The following CACNA1I variants were observed in gnomAD, a reference collection of about 807,000 sequenced individuals.
CACNA1I encodes calcium voltage-gated channel subunit alpha1 I, also known as voltage-dependent T-type calcium channel subunit alpha-1I.
A neutral mutation model predicts 201.6 loss-of-function variants in CACNA1I; 74 were observed. The ratio of observed to expected loss-of-function variants is 0.37; its 90% CI spans 0.30 to 0.45. CACNA1I has a LOEUF of 0.45. CACNA1I is among the 20% of genes least tolerant of loss of function. The pLI is 1.00. For missense variants in CACNA1I, 2,346 were observed against 3,138.1 expected (o/e 0.75, Z 6.03); for synonymous variants, 1,431 against 1,345.2 (o/e 1.06, Z -1.40).
At chr22:39,613,449 A>T (rs1232672619) in intron 3 of CACNA1I, among the ~76,000 whole-genome samples, 1 of 152,156 alleles carries the variant, frequency 6.6e-6, no homozygotes, top group Non-Finnish European at 1.5e-5. Context: ...GTGTGAGCTG[A>T]GGTAACAGTT....
At chr22:39,633,652 A>G (rs142145670) in intron 4 of CACNA1I, among the ~76,000 whole-genome samples, 1 of 152,362 alleles carries the variant, frequency 6.6e-6, no homozygotes, top group African/African-American at 2.4e-5. Context: ...CAGTATGTTT[A>G]GGGAACTTCA....
Position 39,649,712 on chromosome 22 carries a change from G to A in CACNA1I, c.1779G>A (p.Gly593=), listed in dbSNP as rs374969528. 2.0e-6 allele frequency: 3 copies of A among 1,529,930 alleles called. No individual in the cohort carries two copies. Among genetic ancestry groups the A allele is most frequent in the Middle Eastern group, 3.7e-4 (2 of 5,456 alleles). 94.8% of individuals were successfully genotyped at this position (1,529,930 alleles called of 1,614,324 possible). A position where few individuals can be genotyped will look rare whatever the true frequency, so the allele number is the denominator to read the frequency against. The change falls in exon 10 of 37, where the codon GGG becomes GGA. Residue 593 remains glycine, a synonymous_variant. Coordinates refer to ENST00000402142, the MANE Select transcript of CACNA1I (RefSeq NM_021096.4). This position sits in a 1 kb window ranked among gnomAD's most constrained non-coding sequence, Gnocchi z 7.3. ...AGGEDEADGD[G]ARSSEDGASS... ...GCGAGGACGAGGCGGATGGGGACGG[G>A]GCCCGGAGCAGCGAGGACGGAGCCT... is the stretch of plus-strand genomic sequence containing the variant.
At chr22:39,660,957 G>A (rs1191719824) in intron 15 of CACNA1I, 151 bp from the exon 16 acceptor site, 1 of 677,484 alleles carries the variant, frequency 1.5e-6, no homozygotes, top group Non-Finnish European at 2.6e-6. Flanking sequence ...GTGATGGGGT[G>A]CAACCAGGAA....
chr22:39,673,942 A>G, intron 28 of CACNA1I, 21 bp from the exon 29 acceptor site: 1 of 1,610,890 alleles, frequency 6.2e-7, no homozygotes, highest in Non-Finnish European at 8.5e-7. Context: ...CTGAGTGGGC[A>G]GGGCTGGGTC....
At chr22:39,591,152 T>C (rs1056440926) in intron 1 of CACNA1I, among the ~76,000 whole-genome samples, 2 of 140,416 alleles carry the variant, frequency 1.4e-5, no homozygotes, top group Non-Finnish European at 3.1e-5. Flanking sequence ...GCATCTGGCC[T>C]GGATTCTTTT....
chr22:39,610,056 C>A lies in CACNA1I; in HGVS notation c.483-9254C>A, dbSNP rs542375097. ...ATGCCCAGAAGCCTTTGGAGCTGGC[C>A]TTCCTGCACAACTCTGTGTGCACTA... is the stretch of plus-strand genomic sequence containing the variant. On this transcript the variant is annotated intron_variant, in intron 3 of 36. Transcript: ENST00000402142. 3.9e-5 allele frequency among the ~76,000 whole-genome samples: 6 copies of A among 152,346 alleles called. No homozygotes were observed. The East Asian group carries it at 1.2e-3, about 29-fold the overall frequency.
chr22:39,590,885 G>A (rs887714841), intron 1 of CACNA1I, among the ~76,000 whole-genome samples: 6 of 152,248 alleles, frequency 3.9e-5, no homozygotes, highest in Admixed American at 2.6e-4. Context: ...TCGCTCTGTC[G>A]CTCAGGCTGG....
intron 3 of CACNA1I, among the ~76,000 whole-genome samples, chr22:39,608,089 T>C (rs1230026705): frequency 7.8e-6 from 1 of 128,086 alleles, no homozygotes; most frequent in African/African-American, 3.1e-5. Flanking sequence ...CACTCCAGCC[T>C]GGGCAATGAG....
At chr22:39,589,798 G>C (rs1932800768) in intron 1 of CACNA1I, among the ~76,000 whole-genome samples, 1 of 152,170 alleles carries the variant, frequency 6.6e-6, no homozygotes, top group African/African-American at 2.4e-5. Flanking sequence ...CTCGGTGTAG[G>C]TGCTGGTCCA....
intron 4 of CACNA1I, among the ~76,000 whole-genome samples, chr22:39,631,539 A>G (rs1236650243): frequency 1.3e-5 from 2 of 152,210 alleles, no homozygotes; most frequent in Admixed American, 6.5e-5. Flanking sequence ...GGTGAGAATC[A>G]GGGAGGACTG....
At chr22:39,662,554 C>T (rs1935060199) in intron 17 of CACNA1I, 119 bp downstream of exon 17, 3 of 804,938 alleles carry the variant, frequency 3.7e-6, no homozygotes, top group Admixed American at 6.4e-5. Context: ...GGGGCGTGGC[C>T]GGAGCGGCTA....
At chr22:39,680,153 G>A (rs1324794232) in intron 33 of CACNA1I, among the ~76,000 whole-genome samples, 1 of 152,168 alleles carries the variant, frequency 6.6e-6, no homozygotes, top group Non-Finnish European at 1.5e-5. Flanking sequence ...GCCAGGCAGG[G>A]AGCCTGTGTG....
intron 1 of CACNA1I, among the ~76,000 whole-genome samples, chr22:39,597,636 T>C (rs1333843917): frequency 6.6e-6 from 1 of 152,224 alleles, no homozygotes; most frequent in African/African-American, 2.4e-5. Context: ...ACCTGAGCCC[T>C]AACCCTGGCA....
At chr22:39,614,039 G>A (rs1307292794) in intron 3 of CACNA1I, among the ~76,000 whole-genome samples, 2 of 152,184 alleles carry the variant, frequency 1.3e-5, no homozygotes, top group Middle Eastern at 3.4e-3. Context: ...GTAGAGACAG[G>A]GTTTTGCCAT....
chr22:39,662,691 C>A, intron 17 of CACNA1I, 85 bp from the exon 18 acceptor site: 2 of 1,008,078 alleles, frequency 2.0e-6, no homozygotes, highest in South Asian at 2.8e-5. Context: ...GACCCTGCGA[C>A]CCCAGTTGGC....
At chr22:39,592,940 G>T (rs1001581665) in intron 1 of CACNA1I, among the ~76,000 whole-genome samples, 4 of 152,244 alleles carry the variant, frequency 2.6e-5, no homozygotes, top group Non-Finnish European at 5.9e-5. Flanking sequence ...AGCCAGTGGG[G>T]AGTGTGTCAG....
intron 3 of CACNA1I, among the ~76,000 whole-genome samples, chr22:39,616,081 T>G (rs1008426541): frequency 6.6e-6 from 1 of 152,050 alleles, no homozygotes; most frequent in Admixed American, 6.5e-5. Flanking sequence ...AGACTGCAGG[T>G]GTGTTCCCGT....
rs566424603 is a variant in CACNA1I at position 39,576,992 on chromosome 22, C to A, written c.236+6004C>A. Among the ~76,000 whole-genome samples the A allele has an allele frequency of 5.6e-4, 85 of 152,218 alleles. 1 individual carries two copies. The highest frequency in any genetic ancestry group is 3.4e-3 in the Middle Eastern group (1 of 294). The stretch of plus-strand genomic sequence containing the variant: ...TTTGAGACCAAGTCTCGCACTGTCG[C>A]CCAGGCTGGAGTGCAGTGGTGCGAT... On this transcript the variant is annotated intron_variant, in intron 1 of 36. Transcript: ENST00000402142.
chr22:39,579,648 CTTTT>C (rs132569), intron 1 of CACNA1I, among the ~76,000 whole-genome samples: 2 of 142,030 alleles, frequency 1.4e-5, no homozygotes. Flanking sequence ...CTTTCAAGCT[CTTTT>C]TTTTTTTTTT....
Sources: allele counts gnomAD v4.1 joint callset (sites outside exome capture counted in the v4.1 genomes callset), GRCh38; gene constraint gnomAD v4.1.1; non-coding constraint Gnocchi (gnomAD v3.1); transcripts MANE v1.5; gene names NCBI Gene and HGNC (gene_info 2026-07-23, HGNC 2026-07-21).